SMYD2: variants seen among roughly 807,000 people sequenced by gnomAD.
SMYD2 encodes SET and MYND domain containing 2, also known as N-lysine methyltransferase SMYD2.
In SMYD2, 53 loss-of-function variants were observed where a neutral mutation model predicts 59.1. That is an observed-to-expected ratio of 0.90 (90% confidence interval 0.72 to 1.13). SMYD2 has a LOEUF of 1.13. SMYD2 is among the 50% of genes most tolerant of loss of function. The pLI is 0.00. For missense variants in SMYD2, 494 were observed against 544.7 expected (o/e 0.91, Z 0.93); for synonymous variants, 208 against 198.8 (o/e 1.05, Z -0.39).
chr1:214,316,222 G>A (rs1657082539), intron 3 of SMYD2, among the ~76,000 whole-genome samples: 1 of 152,132 alleles, frequency 6.6e-6, no homozygotes, highest in African/African-American at 2.4e-5. Flanking sequence ...TGTAATCTTA[G>A]CACTTTGGGA....
chr1:214,315,012 G>A lies in SMYD2; in HGVS notation c.348+140G>A, dbSNP rs1011430248. 2.2e-5 allele frequency: 15 copies of A among 672,574 alleles called. No homozygotes were observed. In the African/African-American group the frequency reaches 2.7e-4, roughly 12 times the overall value. The allele number at this position is 672,574 out of a possible 1,614,324, so 41.7% of individuals were successfully genotyped here. ...TTTCCTATCATATCCATATGGACAG[G>A]GGTGGGGAAAATACTCCAGGCATAA... On this transcript the variant is annotated intron_variant, in intron 3 of 11. Transcript: ENST00000366957.
At chr1:214,303,888 G>A (rs1417818246) in intron 1 of SMYD2, among the ~76,000 whole-genome samples, 4 of 152,254 alleles carry the variant, frequency 2.6e-5, no homozygotes, top group African/African-American at 4.8e-5. Context: ...TCGTGCTGTC[G>A]GTATCTCCAC....
chr1:214,285,803 C>T (rs1435602729), intron 1 of SMYD2, among the ~76,000 whole-genome samples: 2 of 152,174 alleles, frequency 1.3e-5, no homozygotes, highest in African/African-American at 4.8e-5. Flanking sequence ...CACAAAGCTA[C>T]GTGAGAGAGT....
Position 214,314,848 on chromosome 1 carries a change from A to G in SMYD2, c.324A>G (p.Leu108=). 6.2e-7 allele frequency: 1 copy of G among 1,614,040 alleles called. No individual in the cohort carries two copies. The highest frequency in any genetic ancestry group is 8.5e-7 in the Non-Finnish European group (1 of 1,179,894). ...ENWNPSETVR[L]TARILAKQKI... is the part of the protein sequence containing the mutation. ...GGAATCCCTCGGAGACTGTAAGACT[A>G]ACAGCAAGGATTCTGGCCAAACAGG... Residue 108 remains leucine (L), a synonymous_variant, in exon 3 of 12, where the codon CTA becomes CTG. Transcript: ENST00000366957.
rs749669555 is a variant in SMYD2, at chr1:214,332,165, A to T, written c.1085A>T (p.Tyr362Phe). ...YMQDWEGALQYGQKIIKPYSK... is the reference protein window; with the variant it reads ...YMQDWEGALQFGQKIIKPYSK... ...CAGGACTGGGAAGGAGCCCTGCAAT[A>T]TGGACAGAAAATCATTAAGCCCTAC... Residue 362 changes from tyrosine to phenylalanine, a missense_variant, in exon 10 of 12, where the codon TAT becomes TTT. Coordinates refer to ENST00000366957, the MANE Select transcript of SMYD2 (RefSeq NM_020197.3). The T allele has an allele frequency of 6.2e-7, 1 of 1,614,142 alleles. No individual in the cohort carries two copies. The highest frequency in any genetic ancestry group is 1.1e-5 in the South Asian group (1 of 91,070).
chr1:214,320,327 A>C (rs77559516), intron 5 of SMYD2, among the ~76,000 whole-genome samples: 7 of 152,232 alleles, frequency 4.6e-5, no homozygotes, highest in African/African-American at 1.7e-4. Context: ...GGAAGTTCAC[A>C]GTTGTCTTCC....
At chr1:214,329,892 T>G (rs929790286) in intron 7 of SMYD2, among the ~76,000 whole-genome samples, 3 of 152,344 alleles carry the variant, frequency 2.0e-5, no homozygotes, top group African/African-American at 7.2e-5. Context: ...GACACTGTTT[T>G]AAGGACTCCT....
chr1:214,295,441 G>A (rs913238283), intron 1 of SMYD2, among the ~76,000 whole-genome samples: 2 of 152,116 alleles, frequency 1.3e-5, no homozygotes, highest in African/African-American at 4.8e-5. Flanking sequence ...GTCTGGGCCA[G>A]AGCCTGCATG....
chr1:214,288,858 A>G (rs1292574338), intron 1 of SMYD2, among the ~76,000 whole-genome samples: 1 of 151,280 alleles, frequency 6.6e-6, no homozygotes, highest in Non-Finnish European at 1.5e-5. Flanking sequence ...ACTAAACCAG[A>G]GTTAGTCATC....
At chr1:214,305,298 C>A in intron 2 of SMYD2, 48 bp downstream of exon 2, 6 of 1,534,322 alleles carry the variant, frequency 3.9e-6, no homozygotes, top group Non-Finnish European at 2.7e-6. Context: ...CTCTGAAGTC[C>A]TCCTCTTCCT....
In SMYD2 at chr1:214,312,985, G is replaced by C. The variant is rs1028972777; in HGVS notation, c.238-1777G>C. ...AGTCATGAGAGATGTTGGGGCTGCA[G>C]CCGGGTAGAAAGGTTGTGGAGCTAA... On this transcript the variant is annotated intron_variant, in intron 2 of 11. Transcript: ENST00000366957. The surrounding 1 kb of genome is among the most constrained non-coding windows in gnomAD (Gnocchi z 4.1). 4.6e-5 allele frequency among the ~76,000 whole-genome samples: 7 copies of C among 152,224 alleles called. No individual in the cohort carries two copies. Among genetic ancestry groups the C allele is most frequent in the African/African-American group, 1.7e-4 (7 of 41,470 alleles).
chr1:214,314,612 A>T (rs1657050737), intron 2 of SMYD2, 150 bp from the exon 3 acceptor site: 1 of 623,380 alleles, frequency 1.6e-6, no homozygotes, highest in Non-Finnish European at 2.9e-6. Flanking sequence ...GGATGTTTTT[A>T]TCTCTAGCTT....
In SMYD2 at chr1:214,312,389, ATTTC is replaced by A. The variant is rs1657011452; in HGVS notation, c.238-2369_238-2366del. ...GGGTTACAGCTATGAACAAAACAAA[ATTTC>A]TTTATTTTCCTGGGGAGAGACAGAT... On this transcript the variant is annotated intron_variant, in intron 2 of 11. Coordinates refer to ENST00000366957, the MANE Select transcript of SMYD2 (RefSeq NM_020197.3). This position sits in a 1 kb window ranked among gnomAD's most constrained non-coding sequence, Gnocchi z 4.1. Among the ~76,000 whole-genome samples the A allele has an allele frequency of 6.6e-6, 1 of 152,182 alleles. No individual in the cohort carries two copies. Among genetic ancestry groups the A allele is most frequent in the South Asian group, 2.1e-4 (1 of 4,832 alleles).
chr1:214,283,326 C>T (rs34071166), intron 1 of SMYD2, among the ~76,000 whole-genome samples: 24,602 of 152,142 alleles, frequency 0.16, 2,513 homozygotes, highest in Middle Eastern at 0.36. Context: ...TAGTGTTACT[C>T]ACTGTTGCCT....
intron 7 of SMYD2, 74 bp from the exon 8 acceptor site, chr1:214,330,094 T>C (rs1347345990): frequency 1.9e-6 from 2 of 1,032,676 alleles, no homozygotes; most frequent in East Asian, 5.2e-5. Flanking sequence ...TGCAGGTGAC[T>C]GCAAAGGCAC....
intron 5 of SMYD2, among the ~76,000 whole-genome samples, chr1:214,319,943 CTGTT>C (rs1303989931): frequency 1.3e-5 from 2 of 152,190 alleles, no homozygotes; most frequent in African/African-American, 2.4e-5. Context: ...CCCAGTAACT[CTGTT>C]TGCAGGAATC....
Position 214,312,987 on chromosome 1 carries a change from C to A in SMYD2, c.238-1775C>A, listed in dbSNP as rs1289237279. Among the ~76,000 whole-genome samples, 1 of 152,116 alleles carries A rather than the reference C, an allele frequency of 6.6e-6. No homozygotes were observed. Among genetic ancestry groups the A allele is most frequent in the Admixed American group, 6.5e-5 (1 of 15,276 alleles). On this transcript the variant is annotated intron_variant, in intron 2 of 11. Transcript: ENST00000366957. This position sits in a 1 kb window ranked among gnomAD's most constrained non-coding sequence, Gnocchi z 4.1. ...TCATGAGAGATGTTGGGGCTGCAGC[C>A]GGGTAGAAAGGTTGTGGAGCTAAGA... is the stretch of plus-strand genomic sequence containing the variant.
chr1:214,283,635 G>T (rs367738946), intron 1 of SMYD2, among the ~76,000 whole-genome samples: 1 of 152,150 alleles, frequency 6.6e-6, no homozygotes, highest in African/African-American at 2.4e-5. Context: ...ATTTGTATAT[G>T]ACTTAGGACA....
At chr1:214,333,297 G>A (rs919715421) in intron 10 of SMYD2, 1 of 152,268 alleles carries the variant, frequency 6.6e-6, no homozygotes, top group Non-Finnish European at 1.5e-5. Context: ...TCCCAGCCCT[G>A]TGGTTCTCCC....
Sources: allele counts gnomAD v4.1 joint callset (sites outside exome capture counted in the v4.1 genomes callset), GRCh38; gene constraint gnomAD v4.1.1; non-coding constraint Gnocchi (gnomAD v3.1); transcripts MANE v1.5; gene names NCBI Gene and HGNC (gene_info 2026-07-23, HGNC 2026-07-21).